Variants in KCNQ1 observed in about 807,000 individuals in gnomAD.
KCNQ1 encodes the protein potassium voltage-gated channel subfamily Q member 1, also known as potassium voltage-gated channel subfamily KQT member 1.
A neutral mutation model predicts 72.4 loss-of-function variants in KCNQ1; 49 were observed. The observed-to-expected ratio is 0.68, with a 90% CI of 0.54 to 0.86. The LOEUF (loss-of-function observed/expected upper bound fraction) is 0.86, where lower values mean the gene tolerates loss of function less well. KCNQ1 is among the 40% of genes least tolerant of loss of function. The pLI, the probability that KCNQ1 is intolerant of heterozygous loss-of-function variation, is 0.00. For synonymous variants in KCNQ1, 450 were observed against 412.6 expected, an observed-to-expected ratio of 1.09 and a Z score of -1.10; for missense variants, 790 against 945.1, an observed-to-expected ratio of 0.84 and a Z score of 2.15.
At position 2,595,927 on chromosome 11, in the gene KCNQ1, C is replaced by T. The variant is rs555245380; in HGVS notation, c.1393+7073C>T. 6.6e-5 allele frequency among the ~76,000 whole-genome samples: 10 copies of T among 152,064 alleles called. No individual in the cohort carries two copies. The highest frequency in any genetic ancestry group is 5.8e-4 in the East Asian group (3 of 5,190). Reference sequence around the variant, plus strand: ...AGAACATTAGTGATTCATGGAAGAACGTCAAAATATCAGCATTAACAGGAA... The same window carrying T: ...AGAACATTAGTGATTCATGGAAGAATGTCAAAATATCAGCATTAACAGGAA... On this transcript the variant is annotated intron_variant, in intron 10 of 15. Coordinates refer to ENST00000155840, the MANE Select transcript of KCNQ1 (RefSeq NM_000218.3). This position sits in a 1 kb window ranked among gnomAD's most constrained non-coding sequence, Gnocchi z 5.0.
In KCNQ1 at chr11:2,515,402, CGG is replaced by C. The variant is rs1490073489; in HGVS notation, c.387-12525_387-12524del. Among the ~76,000 whole-genome samples the C allele has an allele frequency of 9.6e-5, 5 of 51,890 alleles. No homozygotes were observed. Among genetic ancestry groups the C allele is most frequent in the South Asian group, 1.0e-3 (2 of 2,010 alleles). The allele number at this position is 51,890 out of a possible 152,430, so 34.0% of individuals were successfully genotyped here. The stretch of plus-strand genomic sequence containing the variant: ...AACGCCTGCCCTGTGTGAGGGAGGG[CGG>C]AGCCCCTGGCCCAGGGGCGGGGAGG... On this transcript the variant is annotated intron_variant, in intron 1 of 15. Coordinates refer to ENST00000155840, the MANE Select transcript of KCNQ1 (RefSeq NM_000218.3). The surrounding 1 kb of genome is among the most constrained non-coding windows in gnomAD (Gnocchi z 4.7).
chr11:2,489,004 A>G (rs1269185895), intron 1 of KCNQ1, among the ~76,000 whole-genome samples: 2 of 152,198 alleles, frequency 1.3e-5, no homozygotes, highest in Non-Finnish European at 2.9e-5. Context: ...AAGATGGCCA[A>G]ATAGAAGCCT....
intron 10 of KCNQ1, chr11:2,655,660 G>A (rs1849832323): frequency 2.5e-6 from 1 of 398,294 alleles, no homozygotes; most frequent in Admixed American, 4.4e-5. Context: ...AGTGTGTCTG[G>A]AAAGAGCTGA....
intron 11 of KCNQ1, among the ~76,000 whole-genome samples, chr11:2,747,286 A>G (rs780907629): frequency 2.0e-5 from 3 of 152,274 alleles, no homozygotes; most frequent in Non-Finnish European, 1.5e-5. Context: ...TGCAAAGGAC[A>G]TTAATTACTT....
chr11:2,697,480 GA>G, intron 11 of KCNQ1: 1 of 398,524 alleles, frequency 2.5e-6, no homozygotes, highest in Non-Finnish European at 4.4e-6. Context: ...CAAGTTTACT[GA>G]AAAGTTAAGT....
chr11:2,814,770 G>A (rs1847581198), intron 15 of KCNQ1, among the ~76,000 whole-genome samples: 1 of 152,162 alleles, frequency 6.6e-6, no homozygotes, highest in Admixed American at 6.5e-5. Flanking sequence ...AGTCCTCGAG[G>A]CTGGCATCCC....
In KCNQ1 at chr11:2,563,593, C is replaced by G. The variant is rs974970872; in HGVS notation, c.478-7035C>G. Among the ~76,000 whole-genome samples, 1 of 152,222 alleles carries G rather than the reference C, an allele frequency of 6.6e-6. No homozygotes were observed. Among genetic ancestry groups the G allele is most frequent in the African/African-American group, 2.4e-5 (1 of 41,458 alleles). On this transcript the variant is annotated intron_variant, in intron 2 of 15. Transcript: ENST00000155840. The surrounding 1 kb of genome is among the most constrained non-coding windows in gnomAD (Gnocchi z 7.4). The stretch of plus-strand genomic sequence containing the variant: ...GTCCCAGGGTCTGTCTGCCTAATGA[C>G]AAGATTTCAGTACCAATAGCGAAGC...
At position 2,447,431 on chromosome 11, in the gene KCNQ1, A is replaced by G. The variant is rs1846056669; in HGVS notation, c.386+1947A>G. On this transcript the variant is annotated intron_variant, in intron 1 of 15. Transcript: ENST00000155840. The surrounding 1 kb of genome is among the most constrained non-coding windows in gnomAD (Gnocchi z 7.6). ...CTGGCCCTGGGAAGTTGTCATGAAC[A>G]GCCTCCAACCCAGGTACCTCCATGT... Among the ~76,000 whole-genome samples the G allele has an allele frequency of 6.6e-6, 1 of 152,080 alleles. No homozygotes were observed. The highest frequency in any genetic ancestry group is 1.5e-5 in the Non-Finnish European group (1 of 68,018).
chr11:2,751,520 G>A (rs1325174739), intron 11 of KCNQ1, among the ~76,000 whole-genome samples: 4 of 152,264 alleles, frequency 2.6e-5, no homozygotes, highest in African/African-American at 9.6e-5. Flanking sequence ...TGGAGGGACA[G>A]TGCAGCTCCG....
At position 2,769,907 on chromosome 11, in the gene KCNQ1, G is replaced by A. The variant is rs545585762; in HGVS notation, c.1590+988G>A. 6.6e-6 allele frequency among the ~76,000 whole-genome samples: 1 copy of A among 152,120 alleles called. No individual in the cohort carries two copies. Among genetic ancestry groups the A allele is most frequent in the Non-Finnish European group, 1.5e-5 (1 of 67,972 alleles). On this transcript the variant is annotated intron_variant, in intron 12 of 15. Transcript: ENST00000155840. The surrounding 1 kb of genome is among the most constrained non-coding windows in gnomAD (Gnocchi z 4.6). ...GCTCAGCAATGTCCGCCGACCACCAGGACCCACAGTCGGTGGCATCCCAGC... is the reference window on the plus strand; with the variant it reads ...GCTCAGCAATGTCCGCCGACCACCAAGACCCACAGTCGGTGGCATCCCAGC...
Position 2,654,398 on chromosome 11 carries a change from T to C in KCNQ1, c.1394-7563T>C, listed in dbSNP as rs1849804797. The stretch of plus-strand genomic sequence containing the variant: ...AGTAGGCTGGCTCAGGGAACTCGCC[T>C]GTGCCAAACCCTGGGGAGACATGGG... On this transcript the variant is annotated intron_variant, in intron 10 of 15. Coordinates refer to ENST00000155840, the MANE Select transcript of KCNQ1 (RefSeq NM_000218.3). The surrounding 1 kb of genome is among the most constrained non-coding windows in gnomAD (Gnocchi z 6.4). The C allele has an allele frequency of 2.5e-6, 1 of 398,558 alleles. No individual in the cohort carries two copies. Among genetic ancestry groups the C allele is most frequent in the South Asian group, 1.3e-4 (1 of 7,844 alleles). The allele number at this position is 398,558 out of a possible 1,614,324, so 24.7% of individuals were successfully genotyped here.
rs184658942 is a variant in KCNQ1, at chr11:2,474,051, C to T, written c.386+28567C>T. 2.6e-5 allele frequency among the ~76,000 whole-genome samples: 4 copies of T among 152,330 alleles called. No individual in the cohort carries two copies. The East Asian group carries it at 5.8e-4, about 22-fold the overall frequency. On this transcript the variant is annotated intron_variant, in intron 1 of 15. Coordinates refer to ENST00000155840, the MANE Select transcript of KCNQ1 (RefSeq NM_000218.3). ...GCTGTGGCTGGCCCCAGCCTCCTACCGCTGGCCCAGTGGTCTCTCCACACA... is the reference window on the plus strand; with the variant it reads ...GCTGTGGCTGGCCCCAGCCTCCTACTGCTGGCCCAGTGGTCTCTCCACACA...
intron 2 of KCNQ1, among the ~76,000 whole-genome samples, chr11:2,529,260 T>C (rs1368231863): frequency 6.6e-6 from 1 of 152,194 alleles, no homozygotes; most frequent in African/African-American, 2.4e-5. Flanking sequence ...CCTACTGACT[T>C]GGTGGTCCCG....
chr11:2,681,503 A>C, intron 11 of KCNQ1: 1 of 398,508 alleles, frequency 2.5e-6, no homozygotes, highest in East Asian at 3.6e-5. Context: ...TAGTAAAGTC[A>C]AACTGGTCCA....
chr11:2,527,143 G>A (rs948665815), intron 1 of KCNQ1, among the ~76,000 whole-genome samples: 10 of 152,220 alleles, frequency 6.6e-5, no homozygotes, highest in Non-Finnish European at 1.3e-4. Flanking sequence ...GGCCCAGAAC[G>A]TTGGCCCCAG....
chr11:2,502,997 A>T (rs1241144533), intron 1 of KCNQ1, among the ~76,000 whole-genome samples: 2 of 152,206 alleles, frequency 1.3e-5, no homozygotes, highest in Non-Finnish European at 2.9e-5. Flanking sequence ...GAAGAATGAA[A>T]CTAGACCCCT....
At position 2,623,106 on chromosome 11, in the gene KCNQ1, C is replaced by T. The variant is rs536546516; in HGVS notation, c.1393+34252C>T. The T allele has an allele frequency of 9.8e-5, 39 of 398,558 alleles. No individual in the cohort carries two copies. Among genetic ancestry groups the T allele is most frequent in the Middle Eastern group, 6.3e-4 (1 of 1,586 alleles). The allele number at this position is 398,558 out of a possible 1,614,324, so 24.7% of individuals were successfully genotyped here. On this transcript the variant is annotated intron_variant, in intron 10 of 15. Coordinates refer to ENST00000155840, the MANE Select transcript of KCNQ1 (RefSeq NM_000218.3). The surrounding 1 kb of genome is among the most constrained non-coding windows in gnomAD (Gnocchi z 5.2). ...TTCTCATGAGATCTGGTTGTTTAAA[C>T]GTGTGTGGCACTTCCCATCTCACTT...
intron 15 of KCNQ1, among the ~76,000 whole-genome samples, chr11:2,799,081 G>T (rs1847205097): frequency 6.6e-6 from 1 of 152,182 alleles, no homozygotes; most frequent in South Asian, 2.1e-4. Context: ...AGCTCCCTTG[G>T]GTAACTAGGA....
At chr11:2,487,980 C>A (rs1846769806) in intron 1 of KCNQ1, among the ~76,000 whole-genome samples, 1 of 152,098 alleles carries the variant, frequency 6.6e-6, no homozygotes, top group African/African-American at 2.4e-5. Flanking sequence ...TCAGTCTCAT[C>A]ATTATGATGT....
Sources: gnomAD v4.1 joint callset for allele counts (sites outside exome capture counted in the v4.1 genomes callset) on GRCh38, gnomAD v4.1.1 for gene constraint, Gnocchi (gnomAD v3.1) non-coding constraint, MANE v1.5 for transcripts, NCBI Gene and HGNC (gene_info 2026-07-23, HGNC 2026-07-21) for gene names.